SLC39A10: variants seen among roughly 807,000 people sequenced by gnomAD.
The protein encoded by SLC39A10 is solute carrier family 39 member 10.
SLC39A10 carries 13 observed loss-of-function variants against 65.1 expected under a neutral mutation model. The ratio of observed to expected loss-of-function variants is 0.20; its 90% CI spans 0.13 to 0.32. SLC39A10 has a LOEUF of 0.32. Ranked by LOEUF, SLC39A10 falls within the 10% of genes least tolerant of loss-of-function variation. The pLI, the probability that SLC39A10 is intolerant of heterozygous loss-of-function variation, is 1.00. For missense variants in SLC39A10, 831 were observed against 1,018.4 expected, an observed-to-expected ratio of 0.82 and a Z score of 2.50; for synonymous variants, 321 against 342.2, an observed-to-expected ratio of 0.94 and a Z score of 0.68.
At chr2:195,636,374 A>AT (rs999581296) in intron 2 of SLC39A10, among the ~76,000 whole-genome samples, 18 of 152,116 alleles carry the variant, frequency 1.2e-4, no homozygotes, top group Admixed American at 6.6e-4. Context: ...AAGTATTTAA[A>AT]TTTTTTTTAT....
chr2:195,673,002 A>T (rs1025813269), intron 1 of SLC39A10, among the ~76,000 whole-genome samples: 3 of 152,136 alleles, frequency 2.0e-5, no homozygotes, highest in African/African-American at 7.2e-5. Flanking sequence ...AAATTGATAC[A>T]CCGTTTAAAT....
At chr2:195,721,474 C>G (rs190186139) in intron 8 of SLC39A10, among the ~76,000 whole-genome samples, 1 of 151,818 alleles carries the variant, frequency 6.6e-6, no homozygotes, top group East Asian at 1.9e-4. Context: ...TGTCTTTTAC[C>G]TCATGCCTTG....
intron 3 of SLC39A10, among the ~76,000 whole-genome samples, chr2:195,687,817 C>T (rs1690583197): frequency 6.6e-6 from 1 of 152,146 alleles, no homozygotes. Flanking sequence ...GTTTGTTTCA[C>T]AAGATTGGCT....
chr2:195,670,010 T>C (rs1689791118), intron 1 of SLC39A10, among the ~76,000 whole-genome samples: 1 of 151,880 alleles, frequency 6.6e-6, no homozygotes, highest in Admixed American at 6.6e-5. Flanking sequence ...AATGCAAAAA[T>C]TAGCTGGGTG....
intron 2 of SLC39A10, among the ~76,000 whole-genome samples, chr2:195,619,280 T>G (rs1436191232): frequency 6.6e-6 from 1 of 152,000 alleles, no homozygotes; most frequent in African/African-American, 2.4e-5. Context: ...ATGTCAGAAT[T>G]AAACTCAGCA....
chr2:195,685,070 C>G (rs1690473929), intron 3 of SLC39A10, among the ~76,000 whole-genome samples: 1 of 151,914 alleles, frequency 6.6e-6, no homozygotes, highest in Admixed American at 6.6e-5. Flanking sequence ...AACCATTTTG[C>G]TATCTTATGT....
intron 1 of SLC39A10, among the ~76,000 whole-genome samples, chr2:195,668,585 A>T (rs1014418475): frequency 1.1e-4 from 16 of 152,262 alleles, no homozygotes; most frequent in African/African-American, 3.9e-4. Flanking sequence ...GCATACACAC[A>T]TGGGTATGAA....
At chr2:195,644,104 A>G (rs1688861551) in intron 2 of SLC39A10, among the ~76,000 whole-genome samples, 1 of 152,176 alleles carries the variant, frequency 6.6e-6, no homozygotes, top group East Asian at 1.9e-4. Flanking sequence ...CTTCAGTTCT[A>G]AACAGAGTTG....
At chr2:195,639,614 C>T (rs1303983828) in intron 2 of SLC39A10, among the ~76,000 whole-genome samples, 4 of 152,044 alleles carry the variant, frequency 2.6e-5, no homozygotes, top group Non-Finnish European at 4.4e-5. Flanking sequence ...GATGGAGTTT[C>T]GCTTTGTCAC....
intron 2 of SLC39A10, among the ~76,000 whole-genome samples, chr2:195,635,706 CA>C (rs1310315566): frequency 2.6e-5 from 1 of 39,042 alleles, no homozygotes; most frequent in Non-Finnish European, 4.6e-5. Flanking sequence ...GAACCCCCCC[CA>C]CTTTTTTTTT....
At position 195,669,216 on chromosome 2, in the gene SLC39A10, G is replaced by T. The variant is rs573340783; in HGVS notation, c.-11-10816G>T. ...ATCTAAATTTATTCACAATGTCTTG[G>T]TTTTTTCTATTGAGTAAGTAGTATT... On this transcript the variant is annotated intron_variant, in intron 1 of 9. Coordinates refer to ENST00000359634, the MANE Select transcript of SLC39A10 (RefSeq NM_020342.3). 2.6e-5 allele frequency among the ~76,000 whole-genome samples: 4 copies of T among 152,170 alleles called. No individual in the cohort carries two copies. The East Asian group carries it at 5.8e-4, about 22-fold the overall frequency.
intron 1 of SLC39A10, among the ~76,000 whole-genome samples, chr2:195,667,787 C>T (rs1689690924): frequency 6.6e-6 from 1 of 152,122 alleles, no homozygotes; most frequent in Non-Finnish European, 1.5e-5. Context: ...TGGTTCTGTA[C>T]TGTATACAAA....
At chr2:195,689,698 C>T (rs576154098) in intron 3 of SLC39A10, among the ~76,000 whole-genome samples, 60 of 152,248 alleles carry the variant, frequency 3.9e-4, no homozygotes, top group African/African-American at 1.4e-3. Flanking sequence ...GCTCTATACC[C>T]ATTAAATAGT....
At chr2:195,703,591 G>T (rs1691277520) in intron 3 of SLC39A10, among the ~76,000 whole-genome samples, 1 of 152,078 alleles carries the variant, frequency 6.6e-6, no homozygotes, top group Admixed American at 6.5e-5. Context: ...GAGTTAAAAT[G>T]TTCAAAGTAA....
In SLC39A10 at chr2:195,708,876, C is replaced by G. The variant is rs189766976; in HGVS notation, c.1575+32C>G. 70 of 1,488,174 alleles carry G rather than the reference C, an allele frequency of 4.7e-5. No individual in the cohort carries two copies. The Admixed American group carries it at 1.1e-3, about 24-fold the overall frequency. 92.2% of individuals were successfully genotyped at this position (1,488,174 alleles called of 1,614,324 possible). A position where few individuals can be genotyped will look rare whatever the true frequency, so the allele number is the denominator to read the frequency against. On this transcript the variant is annotated intron_variant, in intron 5 of 9. Coordinates refer to ENST00000359634, the MANE Select transcript of SLC39A10 (RefSeq NM_020342.3). The stretch of plus-strand genomic sequence containing the variant: ...ATTTTTTATTTATTTAATTTTATAC[C>G]ATAAAACTCAAAACAAAAATTATCC...
intron 3 of SLC39A10, among the ~76,000 whole-genome samples, chr2:195,697,485 A>C (rs888367036): frequency 3.9e-5 from 6 of 152,088 alleles, no homozygotes; most frequent in African/African-American, 1.4e-4. Flanking sequence ...GGTTTGTTAT[A>C]TAGGTAAATT....
chr2:195,613,649 T>C (rs1181979529), intron 2 of SLC39A10, among the ~76,000 whole-genome samples: 1 of 152,200 alleles, frequency 6.6e-6, no homozygotes, highest in African/African-American at 2.4e-5. Context: ...AAAGTGGAAG[T>C]TCAACAGATT....
At chr2:195,657,874 G>A (rs371989148) in intron 1 of SLC39A10, among the ~76,000 whole-genome samples, 2 of 152,156 alleles carry the variant, frequency 1.3e-5, no homozygotes, top group Non-Finnish European at 2.9e-5. Context: ...GCTAACGGAC[G>A]GCGGCGCCTC....
At chr2:195,718,120 G>T in intron 7 of SLC39A10, 132 bp from the exon 8 acceptor site, 1 of 605,070 alleles carries the variant, frequency 1.7e-6, no homozygotes, top group Non-Finnish European at 2.9e-6. Flanking sequence ...ACTATAGTGT[G>T]TAAGATAAGT....
Sources: allele counts gnomAD v4.1 joint callset (sites outside exome capture counted in the v4.1 genomes callset), GRCh38; gene constraint gnomAD v4.1.1; transcripts MANE v1.5; gene names NCBI Gene and HGNC (gene_info 2026-07-23, HGNC 2026-07-21).